RSF1: variants seen among roughly 807,000 people sequenced by gnomAD.
RSF1 encodes the protein HBV pX-associated protein 8.
Under a neutral mutation model 145.2 loss-of-function variants are expected in RSF1, and 13 were observed. That is an observed-to-expected ratio of 0.09 (90% CI 0.06 to 0.14). RSF1 has a LOEUF of 0.14. Ranked by LOEUF, RSF1 falls within the 10% of genes least tolerant of loss-of-function variation. The probability of loss-of-function intolerance (pLI) is 1.00; values close to 1 mark genes in which losing one functional copy is unlikely to be tolerated. For missense variants in RSF1, 1,517 were observed against 1,718.2 expected, an observed-to-expected ratio of 0.88 and a Z score of 2.07; for synonymous variants, 577 against 592.6, an observed-to-expected ratio of 0.97 and a Z score of 0.38.
At chr11:77,815,179 C>T (rs571151309) in intron 1 of RSF1, among the ~76,000 whole-genome samples, 22 of 152,278 alleles carry the variant, frequency 1.4e-4, no homozygotes, top group South Asian at 8.3e-4. Context: ...AGTACAAGAG[C>T]GAGCAAAAAT....
upstream of RSF1, chr11:77,820,871 C>T: frequency 1.3e-6 from 1 of 753,742 alleles, no homozygotes; most frequent in Non-Finnish European, 2.1e-6. Flanking sequence ...TCCCACAATA[C>T]ATCGGCGGCC....
chr11:77,812,019 C>T (rs1317185252), intron 1 of RSF1, among the ~76,000 whole-genome samples: 1 of 152,006 alleles, frequency 6.6e-6, no homozygotes, highest in Non-Finnish European at 1.5e-5. Flanking sequence ...ACTAAAAATA[C>T]AAAAAATTTT....
At chr11:77,726,719 A>T (rs1301086389) in intron 4 of RSF1, among the ~76,000 whole-genome samples, 1 of 152,290 alleles carries the variant, frequency 6.6e-6, no homozygotes, top group Non-Finnish European at 1.5e-5. Context: ...TGCGATGTAA[A>T]TACCCCTGAT....
chr11:77,843,397 A>C, the RSF1 span, among the ~76,000 whole-genome samples: 1 of 152,134 alleles, frequency 6.6e-6, no homozygotes, highest in Non-Finnish European at 1.5e-5. Context: ...CAACAACAGA[A>C]AGATGGGGGC....
At chr11:77,841,136 G>T in the RSF1 span, 1 of 696,348 alleles carries the variant, frequency 1.4e-6, no homozygotes, top group Non-Finnish European at 2.6e-6. Flanking sequence ...GGCCATACTT[G>T]TCCTTTTATA....
chr11:77,776,845 T>A (rs1433355054), intron 1 of RSF1, among the ~76,000 whole-genome samples: 1 of 152,200 alleles, frequency 6.6e-6, no homozygotes, highest in Non-Finnish European at 1.5e-5. Context: ...AGGAACTGTT[T>A]TCTCTATGTG....
chr11:77,860,365 G>C, the RSF1 span, among the ~76,000 whole-genome samples: 1 of 152,184 alleles, frequency 6.6e-6, no homozygotes, highest in African/African-American at 2.4e-5. Flanking sequence ...GTTGCTTTAG[G>C]GTTTGGGATG....
At chr11:77,697,269 T>C (rs1444010877) in intron 7 of RSF1, among the ~76,000 whole-genome samples, 1 of 151,904 alleles carries the variant, frequency 6.6e-6, no homozygotes, top group Non-Finnish European at 1.5e-5. Context: ...CAAATGTTTC[T>C]GGTCCACACA....
At chr11:77,775,190 G>A (rs1304283786) in intron 1 of RSF1, among the ~76,000 whole-genome samples, 1 of 151,444 alleles carries the variant, frequency 6.6e-6, no homozygotes, top group Non-Finnish European at 1.5e-5. Context: ...AGAGGTTGCA[G>A]TGAGCCAAGA....
the RSF1 span, among the ~76,000 whole-genome samples, chr11:77,848,567 C>A: frequency 3.7e-3 from 562 of 152,236 alleles, 9 homozygotes; most frequent in Admixed American, 0.03. Context: ...ACCATGTTGG[C>A]CAGGTTGGTC....
intron 2 of RSF1, among the ~76,000 whole-genome samples, chr11:77,758,399 A>G (rs1479392936): frequency 6.6e-6 from 1 of 152,198 alleles, no homozygotes; most frequent in East Asian, 1.9e-4. Context: ...TACAGTGAAT[A>G]ATGCTGCAAT....
chr11:77,801,759 T>A (rs1383918022), intron 1 of RSF1, among the ~76,000 whole-genome samples: 1 of 152,082 alleles, frequency 6.6e-6, no homozygotes, highest in African/African-American at 2.4e-5. Flanking sequence ...CATGATTACA[T>A]GCCTAGAGCC....
At chr11:77,857,727 CGCTCTGT>C in the RSF1 span, among the ~76,000 whole-genome samples, 5 of 147,972 alleles carry the variant, frequency 3.4e-5, no homozygotes, top group Non-Finnish European at 5.9e-5. Flanking sequence ...GATGGAGTCT[CGCTCTGT>C]CACCCAGGCT....
intron 1 of RSF1, among the ~76,000 whole-genome samples, chr11:77,796,015 T>C (rs1310054029): frequency 6.6e-6 from 1 of 152,226 alleles, no homozygotes; most frequent in African/African-American, 2.4e-5. Context: ...TATAGCATTC[T>C]CTGATGGTAG....
At chr11:77,699,082 A>G (rs2135850562) in intron 6 of RSF1, among the ~76,000 whole-genome samples, 1 of 152,312 alleles carries the variant, frequency 6.6e-6, no homozygotes, top group East Asian at 1.9e-4. Flanking sequence ...ATATTTTTAC[A>G]CACATCTCTG....
chr11:77,870,552 T>TG, the RSF1 span, among the ~76,000 whole-genome samples: 1 of 152,136 alleles, frequency 6.6e-6, no homozygotes, highest in East Asian at 1.9e-4. Context: ...TTAGCCAGGA[T>TG]GGTCTTGATC....
At chr11:77,844,090 G>A in the RSF1 span, among the ~76,000 whole-genome samples, 1 of 152,024 alleles carries the variant, frequency 6.6e-6, no homozygotes, top group Non-Finnish European at 1.5e-5. Flanking sequence ...TTTGGGTGGG[G>A]ACACAGCCAA....
At chr11:77,858,828 T>A in the RSF1 span, among the ~76,000 whole-genome samples, 1 of 152,168 alleles carries the variant, frequency 6.6e-6, no homozygotes, top group Admixed American at 6.5e-5. Flanking sequence ...ATGGACTGCA[T>A]CGGGGACTCC....
At chr11:77,793,852 C>T (rs1021029629) in intron 1 of RSF1, among the ~76,000 whole-genome samples, 5 of 152,090 alleles carry the variant, frequency 3.3e-5, no homozygotes, top group Non-Finnish European at 5.9e-5. Context: ...GCTGCGCTCT[C>T]CTGATAGAAC....
Sources: gnomAD v4.1 joint callset for allele counts (sites outside exome capture counted in the v4.1 genomes callset) on GRCh38, gnomAD v4.1.1 for gene constraint, MANE v1.5 for transcripts, NCBI Gene and HGNC (gene_info 2026-07-23, HGNC 2026-07-21) for gene names.